Variants in CAPZA2 observed in about 807,000 individuals in gnomAD.
CAPZA2 encodes capping actin protein of muscle Z-line subunit alpha 2.
In CAPZA2, 13 loss-of-function variants were observed where a neutral mutation model predicts 44.0. That is an observed-to-expected ratio of 0.30 (90% CI 0.19 to 0.47). CAPZA2 has a LOEUF of 0.47. CAPZA2 is among the 20% of genes least tolerant of loss of function. The probability of loss-of-function intolerance (pLI) is 1.00; values close to 1 mark genes in which losing one functional copy is unlikely to be tolerated. For missense variants in CAPZA2, 244 were observed against 338.6 expected (o/e 0.72, Z 2.19); for synonymous variants, 94 against 108.2 (o/e 0.87, Z 0.81).
chr7:116,903,233 A>AGTGTGTGTGT (rs71148342), intron 4 of CAPZA2, among the ~76,000 whole-genome samples: 390 of 146,434 alleles, frequency 2.7e-3, no homozygotes, highest in African/African-American at 3.3e-3. Context: ...TGCAGAGAAG[A>AGTGTGTGTGT]GTGTGTGTGT....
At chr7:116,881,697 C>T (rs1796705233) in intron 1 of CAPZA2, among the ~76,000 whole-genome samples, 1 of 147,314 alleles carries the variant, frequency 6.8e-6, no homozygotes, top group African/African-American at 2.5e-5. Context: ...CAAGATCGCA[C>T]CACTGCACTC....
At chr7:116,905,877 T>G (rs994036390) in intron 5 of CAPZA2, among the ~76,000 whole-genome samples, 1 of 152,198 alleles carries the variant, frequency 6.6e-6, no homozygotes, top group Non-Finnish European at 1.5e-5. Context: ...GCCCCTAAGA[T>G]TGTGAAGTGA....
At position 116,890,577 on chromosome 7, in the gene CAPZA2, T is replaced by A. The variant is rs1207040725; in HGVS notation, c.103+2387T>A. Among the ~76,000 whole-genome samples, 40 of 25,964 alleles carry A rather than the reference T, an allele frequency of 1.5e-3. 2 individuals are homozygous for A. Among genetic ancestry groups the A allele is most frequent in the African/African-American group, 9.1e-3 (26 of 2,850 alleles). The allele number at this position is 25,964 out of a possible 152,430, so 17.0% of individuals were successfully genotyped here. ...ATATATATATATATATACACATATA[T>A]ATATATATATATATATATATACACA... On this transcript the variant is annotated intron_variant, in intron 2 of 9. Transcript: ENST00000361183.
rs1796820575 is a variant in CAPZA2 at position 116,890,524 on chromosome 7, AAATATATATATATATAT to A, written c.103+2336_103+2352del. Reference sequence around the variant, plus strand: ...TGTCTCTACTTAAAAAAAAAAAAAAAAATATATATATATATATATATATATATATATATATATATATA... The same window carrying A: ...TGTCTCTACTTAAAAAAAAAAAAAAAATATATATATATATATATATATATA... On this transcript the variant is annotated intron_variant, in intron 2 of 9. Coordinates refer to ENST00000361183, the MANE Select transcript of CAPZA2 (RefSeq NM_006136.3). Among the ~76,000 whole-genome samples, 8 of 29,818 alleles carry A rather than the reference AAATATATATATATATAT, an allele frequency of 2.7e-4. 1 individual carries two copies. The highest frequency in any genetic ancestry group is 3.2e-3 in the East Asian group (2 of 618). 19.6% of individuals were successfully genotyped at this position (29,818 alleles called of 152,430 possible). A position where few individuals can be genotyped will look rare whatever the true frequency, so the allele number is the denominator to read the frequency against.
chr7:116,906,414 T>G, intron 6 of CAPZA2, 72 bp downstream of exon 6: 1 of 1,564,670 alleles, frequency 6.4e-7, no homozygotes, highest in South Asian at 1.2e-5. Context: ...CTTTAGTGAT[T>G]TGGGCTACAC....
At chr7:116,880,467 G>T (rs149237759) in intron 1 of CAPZA2, among the ~76,000 whole-genome samples, 2 of 151,782 alleles carry the variant, frequency 1.3e-5, no homozygotes, top group Non-Finnish European at 2.9e-5. Context: ...GCGTGATCTC[G>T]GCTCACTGCA....
chr7:116,880,180 A>C (rs903912404), intron 1 of CAPZA2: 3 of 451,362 alleles, frequency 6.6e-6, no homozygotes, highest in African/African-American at 6.2e-5. Flanking sequence ...GCCATATCAA[A>C]AAAGTACTCA....
intron 1 of CAPZA2, among the ~76,000 whole-genome samples, chr7:116,882,631 C>T (rs1306830351): frequency 6.6e-6 from 1 of 151,830 alleles, no homozygotes; most frequent in Non-Finnish European, 1.5e-5. Flanking sequence ...TTTTGAACAC[C>T]CCAATTTTAT....
intron 6 of CAPZA2, among the ~76,000 whole-genome samples, chr7:116,909,558 C>T (rs1355896060): frequency 6.6e-6 from 1 of 150,946 alleles, no homozygotes; most frequent in East Asian, 1.9e-4. Context: ...TATGTGGAGA[C>T]TTTAAACATA....
At position 116,918,318 on chromosome 7, in the gene CAPZA2, T is replaced by G. The variant is rs1450652651; in HGVS notation, c.*451T>G. 5 of 155,482 alleles carry G rather than the reference T, an allele frequency of 3.2e-5. No homozygotes were observed. The highest frequency in any genetic ancestry group is 2.0e-4 in the South Asian group (1 of 5,080). 9.6% of individuals were successfully genotyped at this position (155,482 alleles called of 1,614,324 possible). On this transcript the variant is annotated 3_prime_UTR_variant, in exon 10 of 10. Coordinates refer to ENST00000361183, the MANE Select transcript of CAPZA2 (RefSeq NM_006136.3). Reference sequence around the variant, plus strand: ...TAGCCATATATGCTGCTAAAGAAATTGTCTACCTTTTCTTCCTCACCTGTT... The same window carrying G: ...TAGCCATATATGCTGCTAAAGAAATGGTCTACCTTTTCTTCCTCACCTGTT...
In CAPZA2 at chr7:116,910,282, A is replaced by G. The variant is rs1585014566; in HGVS notation, c.556A>G (p.Thr186Ala). The part of the protein sequence containing the change: ...EWKFTITPST[T>A]QVVGILKIQV... ...GAAGTTTACAATCACTCCTTCAACC[A>G]CTCAAGTGGTTGGCATCTTGAAAAT... The change falls in exon 7 of 10, where the codon ACT (threonine) becomes GCT (alanine). Residue 186 changes from threonine (T) to alanine (A), a missense_variant. Thr to Ala is a moderately conservative substitution (Grantham distance 58). Transcript: ENST00000361183. 1.3e-6 allele frequency: 2 copies of G among 1,597,488 alleles called. No homozygotes were observed. Among genetic ancestry groups the G allele is most frequent in the Middle Eastern group, 1.7e-4 (1 of 6,014 alleles).
intron 3 of CAPZA2, 126 bp from the exon 4 acceptor site, chr7:116,898,646 C>T (rs991977834): frequency 3.9e-6 from 2 of 512,690 alleles, no homozygotes; most frequent in Admixed American, 7.5e-5. Context: ...TGGAGAATTA[C>T]AATTTTATTT....
chr7:116,911,118 C>A (rs1351818896), intron 7 of CAPZA2, among the ~76,000 whole-genome samples: 1 of 151,852 alleles, frequency 6.6e-6, no homozygotes, highest in Non-Finnish European at 1.5e-5. Context: ...CATTATTCTT[C>A]CTTCACTTAG....
At chr7:116,913,381 A>C (rs907202841) in intron 8 of CAPZA2, among the ~76,000 whole-genome samples, 1 of 152,200 alleles carries the variant, frequency 6.6e-6, no homozygotes. Flanking sequence ...AAAGTATTAT[A>C]TAATAGTTTT....
chr7:116,890,070 A>G (rs866744667), intron 2 of CAPZA2, among the ~76,000 whole-genome samples: 3 of 152,204 alleles, frequency 2.0e-5, no homozygotes, highest in African/African-American at 7.2e-5. Flanking sequence ...TAGCTTCCCA[A>G]TTACAATTCA....
chr7:116,884,169 G>A (rs915904373), intron 1 of CAPZA2, among the ~76,000 whole-genome samples: 2 of 152,062 alleles, frequency 1.3e-5, no homozygotes, highest in Non-Finnish European at 2.9e-5. Flanking sequence ...TTTTAAAATT[G>A]CTATTTATAC....
intron 1 of CAPZA2, among the ~76,000 whole-genome samples, chr7:116,870,491 C>G (rs1020627015): frequency 1.3e-5 from 2 of 152,174 alleles, no homozygotes; most frequent in African/African-American, 4.8e-5. Flanking sequence ...CAGGGTTTTT[C>G]CATCTCATCA....
At chr7:116,902,336 CT>C (rs1403891769) in intron 4 of CAPZA2, among the ~76,000 whole-genome samples, 1 of 152,044 alleles carries the variant, frequency 6.6e-6, no homozygotes, top group African/African-American at 2.4e-5. Context: ...ATGTTTTTAA[CT>C]GTAGAATGAA....
chr7:116,863,829 T>C (rs1484337645), intron 1 of CAPZA2, among the ~76,000 whole-genome samples: 1 of 152,190 alleles, frequency 6.6e-6, no homozygotes, highest in East Asian at 1.9e-4. Flanking sequence ...TCTGAGGATA[T>C]TTTCATTTAG....
Sources: gnomAD v4.1 joint callset for allele counts (sites outside exome capture counted in the v4.1 genomes callset) on GRCh38, gnomAD v4.1.1 for gene constraint, MANE v1.5 for transcripts, NCBI Gene and HGNC (gene_info 2026-07-23, HGNC 2026-07-21) for gene names.